The following HK3 variants were observed in gnomAD, a reference collection of about 807,000 sequenced individuals.
The protein encoded by HK3 is hexokinase-3.
HK3 carries 93 observed loss-of-function variants against 91.0 expected under a neutral mutation model. The ratio of observed to expected loss-of-function variants is 1.02; its 90% confidence interval spans 0.86 to 1.21. The LOEUF (loss-of-function observed/expected upper bound fraction) is 1.21. Among genes scored for constraint, HK3 ranks in the 50% most tolerant of loss-of-function variants. The probability of loss-of-function intolerance (pLI) is 0.00; values close to 1 mark genes in which losing one functional copy is unlikely to be tolerated. For missense variants in HK3, 1,235 were observed against 1,247.4 expected (o/e 0.99, Z 0.15); for synonymous variants, 519 against 516.9 (o/e 1.00, Z -0.06).
chr5:176,889,197 T>C (rs1374604344), intron 8 of HK3, among the ~76,000 whole-genome samples, 184 bp downstream of exon 8: 2 of 152,236 alleles, frequency 1.3e-5, no homozygotes, highest in African/African-American at 2.4e-5. Context: ...TTGACAATTC[T>C]GGATTCTAGA....
At chr5:176,898,896 G>A (rs906517556) in intron 1 of HK3, among the ~76,000 whole-genome samples, 2 of 152,230 alleles carry the variant, frequency 1.3e-5, no homozygotes, top group Admixed American at 6.5e-5. Context: ...ACTTTGGGAG[G>A]CTGAGGCAGA....
rs1348690182 is a variant in HK3, at chr5:176,890,851, AAG to A, written c.503_504del (p.Ser168PhefsTer21). 1 of 1,614,026 alleles carries A rather than the reference AAG, an allele frequency of 6.2e-7. No individual in the cohort carries two copies. The highest frequency in any genetic ancestry group is 2.2e-5 in the East Asian group (1 of 44,898). The stretch of plus-strand genomic sequence containing the variant: ...TCCAAGCCCGTCTGGTGACAAGGGA[AAG>A]AGAAGCTGAAGCCAAGCTGCAGACC... ...KQGLQLGFSF[S>X]FPCHQTGLDR... On this transcript the variant is annotated frameshift_variant, in exon 5 of 19. Transcript: ENST00000292432. LOFTEE classifies it high-confidence loss of function.
chr5:176,884,041 G>A lies in HK3; in HGVS notation c.1951C>T (p.Gln651Ter), dbSNP rs1423311078. ...GCACCCCTAGAACAGGCTCCTACCTGTCTGCGAGTGATGGCTTCCCGCAAC... is the reference window on the plus strand; with the variant it reads ...GCACCCCTAGAACAGGCTCCTACCTATCTGCGAGTGATGGCTTCCCGCAAC... Reference protein sequence around the residue: ...SLLREAITRRQAVELNVVAIV... With the variant: ...SLLREAITRR Residue 651 changes from glutamine (Q) to a stop codon, truncating the protein, a stop_gained and splice_region_variant, in exon 14 of 19, where the codon CAG becomes TAG. Coordinates refer to ENST00000292432, the MANE Select transcript of HK3 (RefSeq NM_002115.3). LOFTEE classifies it high-confidence loss of function. The surrounding 1 kb of genome is among the most constrained non-coding windows in gnomAD (Gnocchi z 4.1). 5.6e-6 allele frequency: 9 copies of A among 1,613,944 alleles called. No individual in the cohort carries two copies. The highest frequency in any genetic ancestry group is 7.6e-6 in the Non-Finnish European group (9 of 1,179,832).
intron 2 of HK3, among the ~76,000 whole-genome samples, chr5:176,894,894 G>A (rs691477): frequency 1.2e-4 from 16 of 137,358 alleles, no homozygotes; most frequent in African/African-American, 3.6e-4. Flanking sequence ...CTCCTGCCTC[G>A]GCCTCCCGAG....
chr5:176,886,231 T>G (rs1322032242), intron 13 of HK3, among the ~76,000 whole-genome samples: 1 of 149,288 alleles, frequency 6.7e-6, no homozygotes, highest in African/African-American at 2.5e-5. Flanking sequence ...AGACTTCATC[T>G]CAAAAAAAAA....
At chr5:176,895,968 G>T in intron 2 of HK3, 96 bp downstream of exon 2, 2 of 953,496 alleles carry the variant, frequency 2.1e-6, no homozygotes, top group African/African-American at 1.6e-5. Context: ...GAAAGGGGCT[G>T]CATGGGTGAG....
chr5:176,888,642 G>A, intron 9 of HK3, 67 bp downstream of exon 9: 1 of 1,611,622 alleles, frequency 6.2e-7, no homozygotes, highest in Non-Finnish European at 8.5e-7. Context: ...GCTACCTTGG[G>A]AACAGAGTAT....
chr5:176,881,940 A>G lies in HK3; in HGVS notation c.2237+4T>C, dbSNP rs1758445700. ...AGCCACCACTGCCTGGGCCCAGCCC[A>G]CACCTCTGCTTGCCGGGGTTGATGG... is the stretch of plus-strand genomic sequence containing the variant. On this transcript the variant is annotated splice_donor_region_variant and intron_variant, in intron 16 of 18. Coordinates refer to ENST00000292432, the MANE Select transcript of HK3 (RefSeq NM_002115.3). 6.2e-7 allele frequency: 1 copy of G among 1,613,498 alleles called. No individual in the cohort carries two copies. Among genetic ancestry groups the G allele is most frequent in the Non-Finnish European group, 8.5e-7 (1 of 1,179,844 alleles).
intron 15 of HK3, among the ~76,000 whole-genome samples, chr5:176,882,365 C>A (rs1001570941): frequency 2.0e-5 from 3 of 152,210 alleles, no homozygotes; most frequent in African/African-American, 7.2e-5. Flanking sequence ...GTGCATCCAC[C>A]ATGCCACCCC....
chr5:176,895,635 A>C (rs1346032874), intron 2 of HK3, among the ~76,000 whole-genome samples: 1 of 152,174 alleles, frequency 6.6e-6, no homozygotes, highest in Non-Finnish European at 1.5e-5. Flanking sequence ...TAGCGGCTAC[A>C]TTGAGGGAGA....
At chr5:176,898,337 G>C (rs1758957167) in intron 1 of HK3, among the ~76,000 whole-genome samples, 1 of 152,172 alleles carries the variant, frequency 6.6e-6, no homozygotes, top group South Asian at 2.1e-4. Context: ...CAACAAATCA[G>C]CTTCTGATAA....
rs145588665 is a variant in HK3, at chr5:176,881,762, G to A, written c.2323C>T (p.Arg775Trp). 127 of 1,614,184 alleles carry A rather than the reference G, an allele frequency of 7.9e-5. No individual in the cohort carries two copies. Among genetic ancestry groups the A allele is most frequent in the Non-Finnish European group, 9.7e-5 (115 of 1,180,036 alleles). ...LHLTSLGVLF[R>W]GQQIQRLQTR... ...TGAAGGCGCTGGATCTGCTGGCCCC[G>A]GAAGAGAACGCCAAGGCTGGTTAAA... The change falls in exon 17 of 19, where the codon CGG (arginine) becomes TGG (tryptophan). Residue 775 changes from arginine (R) to tryptophan (W), a missense_variant. This residue lies in a region of HK3 where 513 missense variants were observed against 477.4 expected (regional missense o/e 1.07). Coordinates refer to ENST00000292432, the MANE Select transcript of HK3 (RefSeq NM_002115.3).
chr5:176,883,309 C>T lies in HK3; in HGVS notation c.2053+461G>A, dbSNP rs566168976. On this transcript the variant is annotated intron_variant, in intron 15 of 18. Coordinates refer to ENST00000292432, the MANE Select transcript of HK3 (RefSeq NM_002115.3). ...TCATTGCTCATTGGTCCCCTGCCCC[C>T]GCCCAGCTCCAAACACCAGGTGTGT... 1.3e-4 allele frequency among the ~76,000 whole-genome samples: 20 copies of T among 152,302 alleles called. No individual in the cohort carries two copies. In the South Asian group the frequency reaches 1.9e-3, roughly 14 times the overall value.
Position 176,889,422 on chromosome 5 carries a change from G to T in HK3, c.873C>A (p.Asp291Glu). The change falls in exon 8 of 19, where the codon GAC (aspartate) becomes GAA (glutamate). Residue 291 changes from aspartate to glutamate, a missense_variant. Asp to Glu is a conservative substitution (Grantham distance 45). Around this residue, in one of 3 missense-constraint regions of HK3, gnomAD observed 717 missense variants for 751.6 expected, o/e 0.95. Coordinates refer to ENST00000292432, the MANE Select transcript of HK3 (RefSeq NM_002115.3). ...GALGPVLTTF[D>E]HTLDHESLNP... ...TCAGGGACTCATGGTCCAGGGTATG[G>T]TCGAAGGTGGTCAGCACTGGTCCCA... 1 of 1,614,172 alleles carries T rather than the reference G, an allele frequency of 6.2e-7. No individual in the cohort carries two copies. The highest frequency in any genetic ancestry group is 8.5e-7 in the Non-Finnish European group (1 of 1,180,024).
intron 15 of HK3, 69 bp from the exon 16 acceptor site, chr5:176,882,196 T>C (rs750380603): frequency 1.7e-5 from 26 of 1,528,278 alleles, no homozygotes; most frequent in Non-Finnish European, 2.2e-5. Flanking sequence ...GCACTTCCCA[T>C]ACCGAGATGG....
Position 176,888,500 on chromosome 5 carries a change from G to A in HK3, c.1136C>T (p.Ser379Leu), listed in dbSNP as rs147166897. 6.2e-5 allele frequency: 96 copies of A among 1,554,202 alleles called. No homozygotes were observed. In the African/African-American group the frequency reaches 1.1e-3, roughly 17 times the overall value. ...GACGTGCTGCACAAGCTCAACATCC[G>A]AAGCCCCAGGGCTCAGGCCCAAGTC... The part of the protein sequence containing the change: ...LQDLGLSPGA[S>L]DVELVQHVCA... Residue 379 changes from serine (S) to leucine (L), a missense_variant, in exon 10 of 19, where the codon TCG becomes TTG. Physicochemically the swap from Ser to Leu is moderately radical, Grantham distance 145. Around this residue, in one of 3 missense-constraint regions of HK3, gnomAD observed 717 missense variants for 751.6 expected, o/e 0.95. Transcript: ENST00000292432.
intron 1 of HK3, among the ~76,000 whole-genome samples, chr5:176,897,723 T>G (rs1346226408): frequency 6.6e-6 from 1 of 152,150 alleles, no homozygotes; most frequent in Non-Finnish European, 1.5e-5. Context: ...TCATCAGTAA[T>G]TTCTGTTCCT....
At position 176,891,037 on chromosome 5, in the gene HK3, C is replaced by G; in HGVS notation, c.414G>C (p.Gln138His). 1 of 1,614,014 alleles carries G rather than the reference C, an allele frequency of 6.2e-7. No individual in the cohort carries two copies. Among genetic ancestry groups the G allele is most frequent in the Non-Finnish European group, 8.5e-7 (1 of 1,179,996 alleles). The change falls in exon 4 of 19, where the codon CAG becomes CAC. Residue 138 changes from glutamine to histidine, a missense_variant and splice_region_variant. Coordinates refer to ENST00000292432, the MANE Select transcript of HK3 (RefSeq NM_002115.3). ...PQEVMLGAGQQLFDFAAHCLS... is the reference protein window; with the variant it reads ...PQEVMLGAGQHLFDFAAHCLS... ...CAGAGGCTGGGCAGTGAGTGCTTACCTGCTGGCCAGCACCCAGCATCACCT... is the reference window on the plus strand; with the variant it reads ...CAGAGGCTGGGCAGTGAGTGCTTACGTGCTGGCCAGCACCCAGCATCACCT...
Position 176,890,900 on chromosome 5 carries a change from A to G in HK3, c.456T>C (p.Asp152=). The G allele has an allele frequency of 6.2e-7, 1 of 1,614,058 alleles. No homozygotes were observed. Among genetic ancestry groups the G allele is most frequent in the Non-Finnish European group, 8.5e-7 (1 of 1,180,034 alleles). Residue 152 remains aspartate, a synonymous_variant, in exon 5 of 19, where the codon GAT becomes GAC. Transcript: ENST00000292432. ...GACCCTGTTTGTTCACAGGCTGCGC[A>G]TCCAGGAACTCAGACAGGCAGTGGG... ...FAAHCLSEFL[D]AQPVNKQGLQ...
Sources: allele counts gnomAD v4.1 joint callset (sites outside exome capture counted in the v4.1 genomes callset), GRCh38; gene constraint gnomAD v4.1.1; regional missense constraint gnomAD v4.1.1; non-coding constraint Gnocchi (gnomAD v3.1); transcripts MANE v1.5; gene names NCBI Gene and HGNC (gene_info 2026-07-23, HGNC 2026-07-21).